ACSM2B: variants seen among roughly 807,000 people sequenced by gnomAD.
ACSM2B encodes acyl-CoA synthetase medium chain family member 2B, also known as acyl-coenzyme A synthetase ACSM2B, mitochondrial.
ACSM2B carries 58 observed loss-of-function variants against 78.6 expected under a neutral mutation model. That is an observed-to-expected ratio of 0.74 (90% CI 0.60 to 0.92). The LOEUF (loss-of-function observed/expected upper bound fraction) is 0.92. Among genes scored for constraint, ACSM2B ranks in the 40% least tolerant of loss-of-function variants. The pLI is 0.00. For synonymous variants in ACSM2B, 257 were observed against 256.8 expected, an observed-to-expected ratio of 1.00 and a Z score of -0.01; for missense variants, 688 against 711.2, an observed-to-expected ratio of 0.97 and a Z score of 0.37.
chr16:20,567,325 T>A (rs1334483328), intron 1 of ACSM2B, among the ~76,000 whole-genome samples: 7 of 116,992 alleles, frequency 6.0e-5, no homozygotes, highest in African/African-American at 2.5e-4. Flanking sequence ...ATATGTAATA[T>A]ACAGTATAAT....
intron 3 of ACSM2B, among the ~76,000 whole-genome samples, chr16:20,559,030 C>A (rs1224820348): frequency 6.6e-6 from 1 of 152,190 alleles, no homozygotes; most frequent in Non-Finnish European, 1.5e-5. Flanking sequence ...AATATGTAAA[C>A]TATGTCATTG....
chr16:20,562,674 A>C (rs1596729661), intron 2 of ACSM2B, among the ~76,000 whole-genome samples: 1 of 152,164 alleles, frequency 6.6e-6, no homozygotes, highest in African/African-American at 2.4e-5. Context: ...ATTATGGTAG[A>C]TGGTAGGGGC....
intron 13 of ACSM2B, among the ~76,000 whole-genome samples, chr16:20,538,707 A>G (rs960096025): frequency 6.6e-6 from 1 of 152,152 alleles, no homozygotes; most frequent in Non-Finnish European, 1.5e-5. Context: ...TTGACTCAGC[A>G]TTCTACAATA....
intron 2 of ACSM2B, among the ~76,000 whole-genome samples, chr16:20,559,778 C>T (rs2015594319): frequency 6.6e-6 from 1 of 150,612 alleles, no homozygotes; most frequent in Non-Finnish European, 1.5e-5. Flanking sequence ...AGGAAAGTGG[C>T]ATTATTTTAT....
Position 20,542,808 on chromosome 16 carries a change from T to C in ACSM2B, c.1509+106A>G, listed in dbSNP as rs534956729. 138 of 1,409,392 alleles carry C rather than the reference T, an allele frequency of 9.8e-5. 3 individuals are homozygous for C. In the East Asian group the frequency reaches 3.2e-3, roughly 33 times the overall value. 87.3% of individuals were successfully genotyped at this position (1,409,392 alleles called of 1,614,324 possible). ...TAGCTAGTAAGTGGCAGGGCCAAGA[T>C]TGGGTCTCAGAGTGTTCAGCCCCAC... On this transcript the variant is annotated intron_variant, in intron 12 of 13. Coordinates refer to ENST00000329697, the MANE Select transcript of ACSM2B (RefSeq NM_001105069.2).
chr16:20,545,326 T>C, intron 9 of ACSM2B, 68 bp from the exon 10 acceptor site: 1 of 1,546,728 alleles, frequency 6.5e-7, no homozygotes, highest in Non-Finnish European at 8.8e-7. Context: ...CAGCAGGAGA[T>C]TGCTGAGTTG....
intron 1 of ACSM2B, among the ~76,000 whole-genome samples, chr16:20,572,884 G>A (rs1293627143): frequency 4.7e-5 from 7 of 150,118 alleles, no homozygotes; most frequent in Admixed American, 2.7e-4. Flanking sequence ...TTTTCAGTGC[G>A]TTTTTCTCTG....
At chr16:20,543,767 A>C (rs910446083) in intron 10 of ACSM2B, among the ~76,000 whole-genome samples, 1 of 152,118 alleles carries the variant, frequency 6.6e-6, no homozygotes, top group Non-Finnish European at 1.5e-5. Flanking sequence ...CTTATAAGTA[A>C]TGAAAAGGCT....
At chr16:20,550,086 C>A (rs1340533203) in intron 6 of ACSM2B, among the ~76,000 whole-genome samples, 1 of 152,020 alleles carries the variant, frequency 6.6e-6, no homozygotes, top group Non-Finnish European at 1.5e-5. Flanking sequence ...CCTGTCATGG[C>A]CTGAAACAGT....
At chr16:20,550,836 T>C (rs2015290725) in intron 6 of ACSM2B, among the ~76,000 whole-genome samples, 1 of 152,162 alleles carries the variant, frequency 6.6e-6, no homozygotes, top group African/African-American at 2.4e-5. Flanking sequence ...TAGCTGCAGT[T>C]TGTGGGTCTT....
At chr16:20,546,664 T>A in intron 8 of ACSM2B, 190 bp from the exon 9 acceptor site, 1 of 1,127,466 alleles carries the variant, frequency 8.9e-7, no homozygotes, top group Admixed American at 3.5e-5. Flanking sequence ...CTCACTAAAT[T>A]GTTTGTTCAG....
chr16:20,573,616 C>T (rs2016156178), intron 1 of ACSM2B, among the ~76,000 whole-genome samples: 2 of 144,314 alleles, frequency 1.4e-5, no homozygotes, highest in South Asian at 4.5e-4. Context: ...AACCAGCCCA[C>T]AATATTTGAA....
At chr16:20,575,174 G>GAACTCCATCCTTAATATTC (rs1357806976) in intron 1 of ACSM2B, among the ~76,000 whole-genome samples, 151 of 151,522 alleles carry the variant, frequency 1.0e-3, no homozygotes, top group Admixed American at 5.8e-3. Flanking sequence ...ACCAACAAAA[G>GAACTCCATCCTTAATATTC]AACTCCATCC....
At chr16:20,542,852 A>G in intron 12 of ACSM2B, 62 bp downstream of exon 12, 2 of 1,601,488 alleles carry the variant, frequency 1.2e-6, no homozygotes, top group Non-Finnish European at 8.5e-7. Flanking sequence ...TTCTTAAACC[A>G]TCATACTACA....
At position 20,545,389 on chromosome 16, in the gene ACSM2B, A is replaced by C. The variant is rs796625407; in HGVS notation, c.1180-131T>G. On this transcript the variant is annotated intron_variant, in intron 9 of 13. Transcript: ENST00000329697. ...TGGAGACTGAAAACGACAACCAAAA[A>C]CCAAGGGAACCCAAGAGTCTTAAAC... 1.3e-5 allele frequency: 14 copies of C among 1,041,312 alleles called. No homozygotes were observed. The African/African-American group carries it at 1.4e-4, about 11-fold the overall frequency. 64.5% of individuals were successfully genotyped at this position (1,041,312 alleles called of 1,614,324 possible). A position where few individuals can be genotyped will look rare whatever the true frequency, so the allele number is the denominator to read the frequency against.
chr16:20,567,229 A>G (rs2015927162), intron 1 of ACSM2B, among the ~76,000 whole-genome samples: 1 of 130,062 alleles, frequency 7.7e-6, no homozygotes, highest in Admixed American at 9.3e-5. Context: ...TATACTATAT[A>G]TAATATATAG....
chr16:20,537,008 T>C lies in ACSM2B; in HGVS notation c.*250A>G, dbSNP rs533008248. ...TTTCAATTGCTTTCTCTTGCAGTTT[T>C]TAACATTTCCCTGACTTACTTTTCT... is the stretch of plus-strand genomic sequence containing the variant. On this transcript the variant is annotated 3_prime_UTR_variant, in exon 14 of 14. Coordinates refer to ENST00000329697, the MANE Select transcript of ACSM2B (RefSeq NM_001105069.2). 2.6e-6 allele frequency: 1 copy of C among 381,440 alleles called. No individual in the cohort carries two copies. The highest frequency in any genetic ancestry group is 4.2e-5 in the East Asian group (1 of 24,056). The allele number at this position is 381,440 out of a possible 1,614,324, so 23.6% of individuals were successfully genotyped here. A position where few individuals can be genotyped will look rare whatever the true frequency, so the allele number is the denominator to read the frequency against.
intron 2 of ACSM2B, among the ~76,000 whole-genome samples, chr16:20,563,492 G>C (rs991637579): frequency 6.6e-6 from 1 of 151,938 alleles, no homozygotes; most frequent in Admixed American, 6.6e-5. Context: ...TGTTTATATA[G>C]CAAATTTACT....
Position 20,576,348 on chromosome 16 carries a change from A to G in ACSM2B, c.-150T>C, listed in dbSNP as rs2016249370. 1 of 149,962 alleles carries G rather than the reference A, an allele frequency of 6.7e-6. No homozygotes were observed. The highest frequency in any genetic ancestry group is 2.5e-5 in the African/African-American group (1 of 40,048). 9.3% of individuals were successfully genotyped at this position (149,962 alleles called of 1,614,324 possible). A position where few individuals can be genotyped will look rare whatever the true frequency, so the allele number is the denominator to read the frequency against. On this transcript the variant is annotated 5_prime_UTR_variant, in exon 1 of 14. Coordinates refer to ENST00000329697, the MANE Select transcript of ACSM2B (RefSeq NM_001105069.2). ...CTTCAGAATCCCTGCACTGTCGGAA[A>G]GAGAGCTCAGCTAATCATTGACAGT... is the stretch of plus-strand genomic sequence containing the variant.
Sources: allele counts gnomAD v4.1 joint callset (sites outside exome capture counted in the v4.1 genomes callset), GRCh38; gene constraint gnomAD v4.1.1; transcripts MANE v1.5; gene names NCBI Gene and HGNC (gene_info 2026-07-23, HGNC 2026-07-21).